Variants in PARD3 observed in about 807,000 individuals in gnomAD.
PARD3 encodes the protein par-3 family cell polarity regulator.
PARD3 carries 75 observed loss-of-function variants against 155.4 expected under a neutral mutation model. The observed-to-expected ratio is 0.48, with a 90% CI of 0.40 to 0.58. The LOEUF is 0.58. Among genes scored for constraint, PARD3 ranks in the 20% least tolerant of loss-of-function variants. The pLI, the probability that PARD3 is intolerant of heterozygous loss-of-function variation, is 0.00. For missense variants in PARD3, 1,642 were observed against 1,721.7 expected, an observed-to-expected ratio of 0.95 and a Z score of 0.82; for synonymous variants, 576 against 610.5, an observed-to-expected ratio of 0.94 and a Z score of 0.83.
rs780587559 is a variant in PARD3 at position 34,336,209 on chromosome 10, G to C, written c.2595C>G (p.Asp865Glu). 6.2e-7 allele frequency: 1 copy of C among 1,611,932 alleles called. No homozygotes were observed. The highest frequency in any genetic ancestry group is 1.7e-5 in the Admixed American group (1 of 59,902). The change falls in exon 18 of 25, where the codon GAC becomes GAG. Residue 865 changes from aspartate (D) to glutamate (E), a missense_variant. Physicochemically the swap from Asp to Glu is conservative, Grantham distance 45 (BLOSUM62 2). This residue lies in a region of PARD3 where 1,529 missense variants were observed against 1,587.3 expected (regional missense o/e 0.96). Transcript: ENST00000374788. ...ACTGTCCATTCTTACCTGCTTTCTG[G>C]TCATCCACTGTATTGAGTTTAGTCT... ...ADETKLNTVDDQKAGSPSRDV... is the reference protein window; with the variant it reads ...ADETKLNTVDEQKAGSPSRDV...
At chr10:34,722,643 ATCT>A (rs2094627009) in intron 1 of PARD3, among the ~76,000 whole-genome samples, 1 of 152,100 alleles carries the variant, frequency 6.6e-6, no homozygotes, top group South Asian at 2.1e-4. Context: ...TTGCCCCACA[ATCT>A]TCTTGCCTAT....
chr10:34,228,932 C>A (rs1258066676), intron 22 of PARD3, among the ~76,000 whole-genome samples: 1 of 151,960 alleles, frequency 6.6e-6, no homozygotes, highest in Admixed American at 6.6e-5. Flanking sequence ...GTCACCACAC[C>A]TCGTCTGAGA....
chr10:34,218,216 C>T (rs1019918704), intron 22 of PARD3, among the ~76,000 whole-genome samples: 1 of 152,184 alleles, frequency 6.6e-6, no homozygotes, highest in African/African-American at 2.4e-5. Context: ...AGACTCTATT[C>T]TGGAAAATTC....
intron 2 of PARD3, among the ~76,000 whole-genome samples, chr10:34,674,104 T>G (rs1009365500): frequency 6.6e-6 from 1 of 152,194 alleles, no homozygotes; most frequent in African/African-American, 2.4e-5. Context: ...TAATATTTTT[T>G]GATGAACAGT....
chr10:34,535,310 A>G (rs150057525), intron 2 of PARD3, among the ~76,000 whole-genome samples: 60 of 152,296 alleles, frequency 3.9e-4, no homozygotes, highest in African/African-American at 1.4e-3. Context: ...TATCGCCATC[A>G]GAGAACGCTG....
At chr10:34,181,065 A>G (rs1950245657) in intron 22 of PARD3, among the ~76,000 whole-genome samples, 1 of 152,198 alleles carries the variant, frequency 6.6e-6, no homozygotes, top group Non-Finnish European at 1.5e-5. Flanking sequence ...ACATGGGGCT[A>G]ATTACTACCA....
chr10:34,635,529 G>T (rs755024503), intron 2 of PARD3, among the ~76,000 whole-genome samples: 1 of 152,206 alleles, frequency 6.6e-6, no homozygotes, highest in Non-Finnish European at 1.5e-5. Flanking sequence ...AACTAAGGGA[G>T]ATAGTAAAGC....
At chr10:34,788,854 C>A (rs1277917350) in intron 1 of PARD3, among the ~76,000 whole-genome samples, 1 of 152,156 alleles carries the variant, frequency 6.6e-6, no homozygotes, top group African/African-American at 2.4e-5. Flanking sequence ...AGGAGGTCCC[C>A]TCCTTGGCAG....
chr10:34,572,118 T>A (rs571799593), intron 2 of PARD3, among the ~76,000 whole-genome samples: 1 of 152,328 alleles, frequency 6.6e-6, no homozygotes, highest in South Asian at 2.1e-4. Flanking sequence ...TTCTTTTGTA[T>A]CTTGAAAATA....
chr10:34,288,473 A>G (rs1338453032), intron 20 of PARD3, among the ~76,000 whole-genome samples: 1 of 152,198 alleles, frequency 6.6e-6, no homozygotes, highest in Non-Finnish European at 1.5e-5. Flanking sequence ...AAAAAAGAAA[A>G]AAAAGTATCT....
intron 5 of PARD3, among the ~76,000 whole-genome samples, chr10:34,448,296 CTG>C (rs1564725732): frequency 6.7e-6 from 1 of 149,672 alleles, no homozygotes; most frequent in African/African-American, 2.5e-5. Context: ...AAGACAAAAT[CTG>C]TACGATTTTA....
chr10:34,755,673 T>C (rs536791590), intron 1 of PARD3, among the ~76,000 whole-genome samples: 10 of 152,252 alleles, frequency 6.6e-5, no homozygotes, highest in Admixed American at 2.0e-4. Context: ...CAGTCTCTCC[T>C]CAAGAATATG....
intron 5 of PARD3, among the ~76,000 whole-genome samples, chr10:34,421,656 T>C (rs925102770): frequency 5.9e-5 from 9 of 152,208 alleles, no homozygotes; most frequent in Non-Finnish European, 1.2e-4. Flanking sequence ...CCCTGAATCA[T>C]TCACTTATTT....
chr10:34,741,174 A>ATTTTTTTTTTTTTTTTTTTTTTTTTTT (rs71033345), intron 1 of PARD3, among the ~76,000 whole-genome samples: 1 of 114,282 alleles, frequency 8.8e-6, no homozygotes, highest in African/African-American at 3.1e-5. Flanking sequence ...CGTAAACCAA[A>ATTTTTTTTTTTTTTTTTTTTTTTTTTT]TTTTTTTTTT....
intron 7 of PARD3, among the ~76,000 whole-genome samples, chr10:34,391,455 C>A (rs1842867669): frequency 1.3e-5 from 2 of 152,044 alleles, no homozygotes; most frequent in South Asian, 2.1e-4. Flanking sequence ...TTTGTTCAGA[C>A]AGGAAGGGAT....
intron 2 of PARD3, among the ~76,000 whole-genome samples, chr10:34,558,946 T>TGTAAGTAA (rs575757963): frequency 5.3e-5 from 8 of 152,086 alleles, no homozygotes; most frequent in Non-Finnish European, 1.0e-4. Context: ...GACCCGGTCT[T>TGTAAGTAA]GTAAGTAAGT....
At chr10:34,516,572 T>A (rs2081779505) in intron 3 of PARD3, among the ~76,000 whole-genome samples, 1 of 152,178 alleles carries the variant, frequency 6.6e-6, no homozygotes, top group African/African-American at 2.4e-5. Context: ...CTTCCCCAGC[T>A]CTTCAGATAA....
intron 21 of PARD3, among the ~76,000 whole-genome samples, chr10:34,271,740 GAAAT>G (rs1175734035): frequency 6.6e-6 from 1 of 152,098 alleles, no homozygotes; most frequent in Non-Finnish European, 1.5e-5. Context: ...GGAAAAGGAA[GAAAT>G]AAAATGCTTC....
chr10:34,566,979 A>T (rs1485333565), intron 2 of PARD3, among the ~76,000 whole-genome samples: 3 of 152,210 alleles, frequency 2.0e-5, no homozygotes, highest in Non-Finnish European at 4.4e-5. Context: ...AGTGTATTTT[A>T]AGATAACATT....
Sources: allele counts gnomAD v4.1 joint callset (sites outside exome capture counted in the v4.1 genomes callset), GRCh38; gene constraint gnomAD v4.1.1; regional missense constraint gnomAD v4.1.1; transcripts MANE v1.5; gene names NCBI Gene and HGNC (gene_info 2026-07-23, HGNC 2026-07-21).